The following SLC12A1 variants were observed in gnomAD, a reference collection of about 807,000 sequenced individuals.
SLC12A1 encodes the protein Na-K-2Cl cotransporter.
A neutral mutation model predicts 130.4 loss-of-function variants in SLC12A1; 89 were observed. The ratio of observed to expected loss-of-function variants is 0.68; its 90% CI spans 0.58 to 0.81. The LOEUF (loss-of-function observed/expected upper bound fraction) is 0.81, where lower values mean the gene tolerates loss of function less well. SLC12A1 is among the 40% of genes least tolerant of loss of function. The probability of loss-of-function intolerance (pLI) is 0.00; values close to 1 mark genes in which losing one functional copy is unlikely to be tolerated. For synonymous variants in SLC12A1, 499 were observed against 460.0 expected (o/e 1.08, Z -1.09); for missense variants, 1,310 against 1,336.4 (o/e 0.98, Z 0.31).
chr15:48,235,145 A>G, intron 9 of SLC12A1, 141 bp downstream of exon 9: 1 of 925,714 alleles, frequency 1.1e-6, no homozygotes, highest in Non-Finnish European at 1.7e-6. Context: ...TGATGATTTA[A>G]AAGTTCTCTC....
chr15:48,291,422 A>G (rs557226001), intron 23 of SLC12A1, among the ~76,000 whole-genome samples: 1 of 152,154 alleles, frequency 6.6e-6, no homozygotes, highest in East Asian at 1.9e-4. Context: ...ACTCTATAAA[A>G]ATTATCACCA....
chr15:48,273,127 C>G (rs538052542), intron 19 of SLC12A1, among the ~76,000 whole-genome samples: 1 of 148,338 alleles, frequency 6.7e-6, no homozygotes, highest in South Asian at 2.2e-4. Flanking sequence ...AAAACCTACA[C>G]TTGATTATCT....
At chr15:48,264,246 T>C (rs2041806919) in intron 17 of SLC12A1, among the ~76,000 whole-genome samples, 2 of 151,578 alleles carry the variant, frequency 1.3e-5, no homozygotes, top group Admixed American at 1.3e-4. Context: ...GACCGGCTCT[T>C]AGACTTTTAC....
intron 4 of SLC12A1, chr15:48,223,953 A>T (rs1462225470): frequency 6.6e-6 from 1 of 152,238 alleles, no homozygotes; most frequent in Non-Finnish European, 1.5e-5. Context: ...GCTGTTAGAG[A>T]CAGGGTATGG....
intron 20 of SLC12A1, among the ~76,000 whole-genome samples, chr15:48,277,747 G>A (rs2041968674): frequency 6.6e-6 from 1 of 152,130 alleles, no homozygotes; most frequent in Admixed American, 6.5e-5. Flanking sequence ...CTATTTGCTG[G>A]TTCATTATTG....
At chr15:48,280,068 G>C (rs34477188) in intron 20 of SLC12A1, among the ~76,000 whole-genome samples, 3,343 of 151,740 alleles carry the variant, frequency 0.022, 125 homozygotes, top group African/African-American at 0.077. Context: ...GGGTTTCCCT[G>C]CTCTCCCTTC....
chr15:48,237,994 C>A (rs1389565101), intron 9 of SLC12A1, among the ~76,000 whole-genome samples: 1 of 152,058 alleles, frequency 6.6e-6, no homozygotes, highest in Non-Finnish European at 1.5e-5. Context: ...CCAAAGATAT[C>A]AGCTTTTGTT....
In SLC12A1 at chr15:48,301,386, A is replaced by G; in HGVS notation, c.3164+4A>G. ...GAGCTGCTAATCTCATTGTCCTGTA[A>G]GTATCATTGCAAGCATTGAAGAACA... On this transcript the variant is annotated splice_donor_region_variant and intron_variant, in intron 26 of 26. Coordinates refer to ENST00000380993, the MANE Select transcript of SLC12A1 (RefSeq NM_000338.3). 1 of 1,569,814 alleles carries G rather than the reference A, an allele frequency of 6.4e-7. No individual in the cohort carries two copies. Among genetic ancestry groups the G allele is most frequent in the South Asian group, 1.2e-5 (1 of 84,740 alleles).
chr15:48,245,065 T>C (rs1165107091), intron 11 of SLC12A1, among the ~76,000 whole-genome samples, 161 bp downstream of exon 11: 1 of 152,220 alleles, frequency 6.6e-6, no homozygotes, highest in Non-Finnish European at 1.5e-5. Context: ...AGTCATTACA[T>C]GGCAGTAAAT....
In SLC12A1 at chr15:48,267,601, T is replaced by G. The variant is rs560432597; in HGVS notation, c.2195T>G (p.Met732Arg). 5 of 1,613,430 alleles carry G rather than the reference T, an allele frequency of 3.1e-6. No individual in the cohort carries two copies. Among genetic ancestry groups the G allele is most frequent in the Non-Finnish European group, 4.2e-6 (5 of 1,179,574 alleles). Residue 732 changes from methionine to arginine, a missense_variant, in exon 18 of 27, where the codon ATG becomes AGG. Coordinates refer to ENST00000380993, the MANE Select transcript of SLC12A1 (RefSeq NM_000338.3). ...TGTGTTAAGGAGATGAACAGTGGCA[T>G]GGCGAAAAAACAGGCCTGGCTTATA... The part of the protein sequence containing the change: ...KLCVKEMNSG[M>R]AKKQAWLIKN...
chr15:48,233,057 T>C (rs541553678), intron 8 of SLC12A1, among the ~76,000 whole-genome samples: 155 of 152,280 alleles, frequency 1.0e-3, no homozygotes, highest in Non-Finnish European at 1.8e-3. Flanking sequence ...ACCAGCAAAT[T>C]TGGGCACACC....
chr15:48,235,305 C>A, intron 9 of SLC12A1: 1 of 353,338 alleles, frequency 2.8e-6, no homozygotes, highest in Non-Finnish European at 5.3e-6. Flanking sequence ...CACCCTTTCT[C>A]TTTTAAACCC....
intron 9 of SLC12A1, among the ~76,000 whole-genome samples, chr15:48,237,805 A>G (rs2041456498): frequency 2.0e-5 from 3 of 152,192 alleles, no homozygotes; most frequent in Admixed American, 1.3e-4. Flanking sequence ...AAGGAATAAC[A>G]TGATTAAATA....
intron 11 of SLC12A1, 128 bp downstream of exon 11, chr15:48,245,032 T>C (rs776844492): frequency 2.1e-5 from 19 of 890,902 alleles, no homozygotes; most frequent in Non-Finnish European, 3.3e-5. Flanking sequence ...GAATGATTCA[T>C]GTGGAAATGA....
chr15:48,226,196 A>G (rs2041283437), intron 4 of SLC12A1: 1 of 348,658 alleles, frequency 2.9e-6, no homozygotes, highest in African/African-American at 2.1e-5. Context: ...CACAGCCAGG[A>G]TAGTTTCTCT....
chr15:48,240,965 G>A (rs903699046), intron 9 of SLC12A1, among the ~76,000 whole-genome samples: 2 of 152,080 alleles, frequency 1.3e-5, no homozygotes, highest in African/African-American at 4.8e-5. Flanking sequence ...TCTGCTTATG[G>A]AAATTAAATA....
intron 13 of SLC12A1, among the ~76,000 whole-genome samples, chr15:48,248,525 C>T (rs904589222): frequency 6.6e-6 from 1 of 152,220 alleles, no homozygotes; most frequent in Non-Finnish European, 1.5e-5. Flanking sequence ...AGCTTCATGG[C>T]AGCTGTTATG....
intron 20 of SLC12A1, among the ~76,000 whole-genome samples, chr15:48,278,422 G>A (rs1184828914): frequency 6.6e-6 from 1 of 152,208 alleles, no homozygotes; most frequent in Non-Finnish European, 1.5e-5. Context: ...GTACAGCTGG[G>A]ATTCAAACCT....
chr15:48,231,818 C>A (rs994762236), intron 7 of SLC12A1, among the ~76,000 whole-genome samples: 1 of 152,012 alleles, frequency 6.6e-6, no homozygotes, highest in East Asian at 1.9e-4. Flanking sequence ...GAGTTCGAGG[C>A]CAGCCTGGCC....
Sources: allele counts gnomAD v4.1 joint callset (sites outside exome capture counted in the v4.1 genomes callset), GRCh38; gene constraint gnomAD v4.1.1; transcripts MANE v1.5; gene names NCBI Gene and HGNC (gene_info 2026-07-23, HGNC 2026-07-21).